CHAMP1: variants seen among roughly 807,000 people sequenced by gnomAD.
CHAMP1 encodes the protein chromosome alignment-maintaining phosphoprotein 1.
Under a neutral mutation model 54.5 loss-of-function variants are expected in CHAMP1, and 4 were observed. The ratio of observed to expected loss-of-function variants is 0.07; its 90% CI spans 0.04 to 0.17. The LOEUF (loss-of-function observed/expected upper bound fraction) is 0.17, where lower values mean the gene tolerates loss of function less well. CHAMP1 is among the 10% of genes least tolerant of loss of function. The pLI is 1.00. For missense variants in CHAMP1, 994 were observed against 968.6 expected, an observed-to-expected ratio of 1.03 and a Z score of -0.35; for synonymous variants, 368 against 342.2, an observed-to-expected ratio of 1.08 and a Z score of -0.83.
chr13:114,321,162 G>C lies in CHAMP1; in HGVS notation c.-126G>C, dbSNP rs45583846. ...CATATACTATAGGCTGTTTGCTGTG[G>C]TTTAGTCAAAAAGCCATGTAGAATG... On this transcript the variant is annotated 5_prime_UTR_variant, in exon 2 of 3. Transcript: ENST00000361283. 12,268 of 145,924 alleles carry C rather than the reference G, an allele frequency of 0.084. 702 individuals are homozygous for C. The highest frequency in any genetic ancestry group is 0.16 in the Middle Eastern group (43 of 268). The allele number at this position is 145,924 out of a possible 1,614,324, so 9.0% of individuals were successfully genotyped here.
intron 2 of CHAMP1, chr13:114,322,806 T>A (rs1284030080): frequency 6.6e-6 from 1 of 152,236 alleles, no homozygotes; most frequent in African/African-American, 2.4e-5. Context: ...TGTGTGTTGA[T>A]CAATATATGC....
intron 1 of CHAMP1, among the ~76,000 whole-genome samples, chr13:114,318,045 C>T (rs1360194194): frequency 6.6e-6 from 1 of 152,204 alleles, no homozygotes; most frequent in Admixed American, 6.5e-5. Context: ...GGACGCCCAG[C>T]TCTCTAGGCT....
chr13:114,326,281 A>G lies in CHAMP1; in HGVS notation c.2439A>G (p.Ter813TrpextTer1), dbSNP rs782241760. The change falls in exon 3 of 3, where the codon TGA (stop) becomes TGG (tryptophan). Residue 813 changes from the stop codon to tryptophan (W), a stop_lost. Transcript: ENST00000361283. Reference sequence around the variant, plus strand: ...CGCCACTGGAGGAGCAGCAAATTTGATAACACAGTGTGAATATTTGTTCTA... The same window carrying G: ...CGCCACTGGAGGAGCAGCAAATTTGGTAACACAGTGTGAATATTTGTTCTA... The part of the protein sequence containing the change: ...LEPPLEEQQI[*>W] 6.4e-7 allele frequency: 1 copy of G among 1,561,410 alleles called. No individual in the cohort carries two copies. Among genetic ancestry groups the G allele is most frequent in the Non-Finnish European group, 8.6e-7 (1 of 1,157,284 alleles).
At position 114,325,855 on chromosome 13, in the gene CHAMP1, G is replaced by A; in HGVS notation, c.2013G>A (p.Met671Ile). 6.2e-7 allele frequency: 1 copy of A among 1,614,098 alleles called. No homozygotes were observed. Among genetic ancestry groups the A allele is most frequent in the Non-Finnish European group, 8.5e-7 (1 of 1,180,008 alleles). ...TTGATTTTAGCAAAGAGAACAAAATGGACATGACTAGTCCAGAGCAGTCTA... is the reference window on the plus strand; with the variant it reads ...TTGATTTTAGCAAAGAGAACAAAATAGACATGACTAGTCCAGAGCAGTCTA... The part of the protein sequence containing the change: ...ESIDFSKENK[M>I]DMTSPEQSRN... The change falls in exon 3 of 3, where the codon ATG becomes ATA. Residue 671 changes from methionine (M) to isoleucine (I), a missense_variant. This residue lies in a region of CHAMP1 where 851 missense variants were observed against 701.3 expected (regional missense o/e 1.21). Transcript: ENST00000361283.
Position 114,325,418 on chromosome 13 carries a change from A to G in CHAMP1, c.1576A>G (p.Arg526Gly), listed in dbSNP as rs2087234414. Reference sequence around the variant, plus strand: ...TGTTCTCTCTATCGATACTGAGCCTAGAAAACCTGCCCTGTTTCCCGAGCC... The same window carrying G: ...TGTTCTCTCTATCGATACTGAGCCTGGAAAACCTGCCCTGTTTCCCGAGCC... ...KPVLSIDTEP[R>G]KPALFPEPAK... The change falls in exon 3 of 3, where the codon AGA becomes GGA. Residue 526 changes from arginine (R) to glycine (G), a missense_variant. This residue lies in a region of CHAMP1 where 851 missense variants were observed against 701.3 expected (regional missense o/e 1.21). Transcript: ENST00000361283. The G allele has an allele frequency of 3.1e-6, 5 of 1,614,114 alleles. No homozygotes were observed. The highest frequency in any genetic ancestry group is 1.6e-4 in the Middle Eastern group (1 of 6,062).
chr13:114,323,640 C>A, intron 2 of CHAMP1, 148 bp from the exon 3 acceptor site: 1 of 613,966 alleles, frequency 1.6e-6, no homozygotes, highest in Non-Finnish European at 2.7e-6. Context: ...TGTTCTATAT[C>A]TCCTTTTTCT....
Position 114,326,044 on chromosome 13 carries a change from T to A in CHAMP1, c.2202T>A (p.Val734=), listed in dbSNP as rs1555379976. The A allele has an allele frequency of 6.2e-7, 1 of 1,613,856 alleles. No individual in the cohort carries two copies. Among genetic ancestry groups the A allele is most frequent in the Non-Finnish European group, 8.5e-7 (1 of 1,179,904 alleles). ...VLHHLVNKHN[V]HSPYKCTICG... Reference sequence around the variant, plus strand: ...ATCATTTGGTTAATAAGCATAATGTTCATAGCCCTTACAAATGCACAATCT... The same window carrying A: ...ATCATTTGGTTAATAAGCATAATGTACATAGCCCTTACAAATGCACAATCT... The change falls in exon 3 of 3, where the codon GTT becomes GTA. Residue 734 remains valine, a synonymous_variant. Coordinates refer to ENST00000361283, the MANE Select transcript of CHAMP1 (RefSeq NM_032436.4).
chr13:114,321,737 C>A (rs1277903805), intron 2 of CHAMP1, among the ~76,000 whole-genome samples: 3 of 151,986 alleles, frequency 2.0e-5, no homozygotes, highest in African/African-American at 7.3e-5. Flanking sequence ...CATTCAATTA[C>A]GTTTGTAAGT....
chr13:114,317,711 C>A (rs368436927), intron 1 of CHAMP1, among the ~76,000 whole-genome samples: 1 of 152,066 alleles, frequency 6.6e-6, no homozygotes, highest in African/African-American at 2.4e-5. Flanking sequence ...ACATGTTCTA[C>A]TTATTGAATT....
chr13:114,316,123 A>T (rs1056740310), intron 1 of CHAMP1, among the ~76,000 whole-genome samples: 3 of 151,442 alleles, frequency 2.0e-5, no homozygotes, highest in Admixed American at 6.6e-5. Flanking sequence ...GGCATGAACC[A>T]CCATGTCCGG....
At chr13:114,318,857 CTTTT>C (rs56669844) in intron 1 of CHAMP1, among the ~76,000 whole-genome samples, 49 of 24,172 alleles carry the variant, frequency 2.0e-3, no homozygotes, top group Non-Finnish European at 3.4e-3. Context: ...TCCTGGTTGC[CTTTT>C]TTTTTTTTTT....
Position 114,324,889 on chromosome 13 carries a change from A to G in CHAMP1, c.1047A>G (p.Lys349=), listed in dbSNP as rs1555379639. The change falls in exon 3 of 3, where the codon AAA becomes AAG. Residue 349 remains lysine, a synonymous_variant. Transcript: ENST00000361283. ...CATCTGTGTCTCCTGGACCTTGGAA[A>G]CCAATTCCTTCTGTATCTCCTGGAC... ...PAPSVSPGPW[K]PIPSVSPGPW... is the part of the protein sequence containing the mutation. 6.2e-7 allele frequency: 1 copy of G among 1,614,052 alleles called. No individual in the cohort carries two copies. The highest frequency in any genetic ancestry group is 2.2e-5 in the East Asian group (1 of 44,870).
At position 114,325,646 on chromosome 13, in the gene CHAMP1, G is replaced by T; in HGVS notation, c.1804G>T (p.Ala602Ser). 1 of 1,614,182 alleles carries T rather than the reference G, an allele frequency of 6.2e-7. No homozygotes were observed. Among genetic ancestry groups the T allele is most frequent in the Non-Finnish European group, 8.5e-7 (1 of 1,180,032 alleles). Residue 602 changes from alanine (A) to serine (S), a missense_variant, in exon 3 of 3, where the codon GCT becomes TCT. Transcript: ENST00000361283. ...CDILVQEELLASPKKLLEDTL... is the reference protein window; with the variant it reads ...CDILVQEELLSSPKKLLEDTL... ...TATTTTGGTTCAGGAAGAACTTCTAGCTTCACCTAAGAAACTCTTAGAAGA... is the reference window on the plus strand; with the variant it reads ...TATTTTGGTTCAGGAAGAACTTCTATCTTCACCTAAGAAACTCTTAGAAGA...
chr13:114,326,314 G>A lies in CHAMP1; in HGVS notation c.*33G>A, dbSNP rs782108456. On this transcript the variant is annotated 3_prime_UTR_variant, in exon 3 of 3. Coordinates refer to ENST00000361283, the MANE Select transcript of CHAMP1 (RefSeq NM_032436.4). ...GTGTGAATATTTGTTCTACAAAGGTGTTTGTTGGAACCATTCTTTGTAAGT... is the reference window on the plus strand; with the variant it reads ...GTGTGAATATTTGTTCTACAAAGGTATTTGTTGGAACCATTCTTTGTAAGT... 1.7e-5 allele frequency: 26 copies of A among 1,531,142 alleles called. No homozygotes were observed. The highest frequency in any genetic ancestry group is 2.3e-5 in the Non-Finnish European group (26 of 1,143,320). 94.8% of individuals were successfully genotyped at this position (1,531,142 alleles called of 1,614,324 possible).
rs1176176958 is a variant in CHAMP1 at position 114,325,332 on chromosome 13, G to A, written c.1490G>A (p.Arg497Gln). 33 of 1,613,914 alleles carry A rather than the reference G, an allele frequency of 2.0e-5. No individual in the cohort carries two copies. Among genetic ancestry groups the A allele is most frequent in the African/African-American group, 4.0e-5 (3 of 74,842 alleles). ...EPQKPVFPET[R>Q]KPGPSGPSES... ...CAGAAACCTGTCTTCCCTGAGACCC[G>A]AAAACCAGGTCCTTCTGGGCCATCT... The change falls in exon 3 of 3, where the codon CGA becomes CAA. Residue 497 changes from arginine to glutamine, a missense_variant. Arg to Gln is a conservative substitution (Grantham distance 43). This residue lies in a region of CHAMP1 where 851 missense variants were observed against 701.3 expected (regional missense o/e 1.21). Coordinates refer to ENST00000361283, the MANE Select transcript of CHAMP1 (RefSeq NM_032436.4).
intron 1 of CHAMP1, among the ~76,000 whole-genome samples, chr13:114,319,925 G>A (rs2139412167): frequency 6.6e-6 from 1 of 152,310 alleles, no homozygotes; most frequent in East Asian, 1.9e-4. Flanking sequence ...CTGGTCATGG[G>A]CCAGACTGTG....
chr13:114,325,142 G>A lies in CHAMP1; in HGVS notation c.1300G>A (p.Ala434Thr), dbSNP rs1555379720. The change falls in exon 3 of 3, where the codon GCA (alanine) becomes ACA (threonine). Residue 434 changes from alanine to threonine, a missense_variant. By Grantham distance (58) the Ala-to-Thr change is moderately conservative. Around this residue, in one of 3 missense-constraint regions of CHAMP1, gnomAD observed 851 missense variants for 701.3 expected, o/e 1.21. Transcript: ENST00000361283. ...ACTATCCCCAGAGATCCGTAGTCCA[G>A]CAGGATCTCCAGAGCTCAGAAAACC... The part of the protein sequence containing the change: ...PPLSPEIRSP[A>T]GSPELRKPSG... 2 of 1,614,118 alleles carry A rather than the reference G, an allele frequency of 1.2e-6. No individual in the cohort carries two copies. Among genetic ancestry groups the A allele is most frequent in the African/African-American group, 1.3e-5 (1 of 75,008 alleles).
At chr13:114,317,136 G>T (rs554495855) in intron 1 of CHAMP1, among the ~76,000 whole-genome samples, 4 of 152,040 alleles carry the variant, frequency 2.6e-5, no homozygotes, top group African/African-American at 9.7e-5. Context: ...TCCTGCCTCA[G>T]CCTCCCAGGT....
rs1307674136 is a variant in CHAMP1, at chr13:114,324,156, C to T, written c.314C>T (p.Pro105Leu). ...AATCAGTTGAACAAAGAAACAGATC[C>T]TGTGAAAAGCCCTCCTCTTCCTGAA... Reference protein sequence around the residue: ...PKNQLNKETDPVKSPPLPEHQ... With the variant: ...PKNQLNKETDLVKSPPLPEHQ... Residue 105 changes from proline (P) to leucine (L), a missense_variant, in exon 3 of 3, where the codon CCT becomes CTT. Physicochemically the swap from Pro to Leu is moderately conservative, Grantham distance 98 (BLOSUM62 -3). This residue lies in a region of CHAMP1 where 851 missense variants were observed against 701.3 expected (regional missense o/e 1.21). Coordinates refer to ENST00000361283, the MANE Select transcript of CHAMP1 (RefSeq NM_032436.4). 4.3e-6 allele frequency: 7 copies of T among 1,614,042 alleles called. No individual in the cohort carries two copies. In the African/African-American group the frequency reaches 5.3e-5, roughly 12 times the overall value.
Sources: allele counts gnomAD v4.1 joint callset (sites outside exome capture counted in the v4.1 genomes callset), GRCh38; gene constraint gnomAD v4.1.1; regional missense constraint gnomAD v4.1.1; transcripts MANE v1.5; gene names NCBI Gene and HGNC (gene_info 2026-07-23, HGNC 2026-07-21).